Variants in CFAP43 observed in about 807,000 individuals in gnomAD.
CFAP43 encodes the protein cilia and flagella associated protein 43, also known as cilia- and flagella-associated protein 43.
Under a neutral mutation model 218.9 loss-of-function variants are expected in CFAP43, and 155 were observed. The ratio of observed to expected loss-of-function variants is 0.71; its 90% CI spans 0.62 to 0.81. The LOEUF (loss-of-function observed/expected upper bound fraction) is 0.81. Ranked by LOEUF, CFAP43 falls within the 30% of genes least tolerant of loss-of-function variation. The pLI is 0.00. For missense variants in CFAP43, 1,778 were observed against 1,954.3 expected (o/e 0.91, Z 1.70); for synonymous variants, 645 against 681.3 (o/e 0.95, Z 0.83).
intron 10 of CFAP43, among the ~76,000 whole-genome samples, chr10:104,196,424 C>T (rs1354886593): frequency 3.3e-5 from 5 of 152,144 alleles, no homozygotes; most frequent in African/African-American, 1.2e-4. Context: ...CTTGCTGATT[C>T]AACAGCACCC....
In CFAP43 at chr10:104,143,396, AAAATT is replaced by A. The variant is rs750233990; in HGVS notation, c.4158+25_4158+29del. The A allele has an allele frequency of 7.6e-6, 12 of 1,576,046 alleles. No homozygotes were observed. The South Asian group carries it at 9.2e-5, about 12-fold the overall frequency. On this transcript the variant is annotated intron_variant, in intron 32 of 37. Transcript: ENST00000357060. ...CTATGTATTTGATATTAGTACACTA[AAAATT>A]AAATTAAGTTAAAATAGTATATACT...
chr10:104,147,540 G>A (rs1163133825), intron 29 of CFAP43, among the ~76,000 whole-genome samples: 1 of 152,086 alleles, frequency 6.6e-6, no homozygotes, highest in Non-Finnish European at 1.5e-5. Flanking sequence ...CCCTAGGTAA[G>A]AGCTTGCAAA....
At chr10:104,166,455 A>C in intron 23 of CFAP43, 33 bp downstream of exon 23, 1 of 1,537,812 alleles carries the variant, frequency 6.5e-7, no homozygotes, top group Non-Finnish European at 8.9e-7. Context: ...GGGAGTCTAG[A>C]GATTTTTCAG....
rs1172298666 is a variant in CFAP43, at chr10:104,196,926, G to A, written c.1220C>T (p.Thr407Ile). 2 of 1,608,144 alleles carry A rather than the reference G, an allele frequency of 1.2e-6. No homozygotes were observed. The highest frequency in any genetic ancestry group is 1.7e-6 in the Non-Finnish European group (2 of 1,178,282). The stretch of plus-strand genomic sequence containing the variant: ...CCAAACACAAATTTCCCCTGAATAT[G>A]TAAGTGTCTGTAAAAAAAGAAAAAC... ...TPGTQYFMTL[T>I]YSGEICVWWL... is the part of the protein sequence containing the mutation. The change falls in exon 10 of 38, where the codon ACA (threonine) becomes ATA (isoleucine). Residue 407 changes from threonine to isoleucine, a missense_variant. Thr to Ile is a moderately conservative substitution (Grantham distance 89, BLOSUM62 -1). This residue lies in a region of CFAP43 where 1,553 missense variants were observed against 1,685.2 expected (regional missense o/e 0.92). Coordinates refer to ENST00000357060, the MANE Select transcript of CFAP43 (RefSeq NM_025145.7).
At chr10:104,134,404 A>G (rs1589608029) in intron 34 of CFAP43, among the ~76,000 whole-genome samples, 1 of 152,200 alleles carries the variant, frequency 6.6e-6, no homozygotes, top group Non-Finnish European at 1.5e-5. Context: ...TCTCAAAAAA[A>G]GAAAGAAAGA....
At chr10:104,216,653 C>G (rs1458216412) in intron 3 of CFAP43, among the ~76,000 whole-genome samples, 3 of 152,134 alleles carry the variant, frequency 2.0e-5, no homozygotes, top group Non-Finnish European at 4.4e-5. Flanking sequence ...CTCCCCTTCC[C>G]CACCCACAGT....
Position 104,167,647 on chromosome 10 carries a change from TTTG to T in CFAP43, c.2779_2781del (p.Gln927del), listed in dbSNP as rs1458893465. On this transcript the variant is annotated inframe_deletion, in exon 22 of 38. Transcript: ENST00000357060. Reference sequence around the variant, plus strand: ...TTAAGACACTCTGCTTCAATCTTCTTTTGCTGTAAAACTCTTTCCAATTCTTTC... The same window carrying T: ...TTAAGACACTCTGCTTCAATCTTCTTCTGTAAAACTCTTTCCAATTCTTTC... The T allele has an allele frequency of 1.2e-6, 2 of 1,610,624 alleles. No homozygotes were observed. Among genetic ancestry groups the T allele is most frequent in the African/African-American group, 2.7e-5 (2 of 74,708 alleles).
At chr10:104,161,837 G>A in intron 26 of CFAP43, 124 bp downstream of exon 26, 1 of 812,114 alleles carries the variant, frequency 1.2e-6, no homozygotes, top group Non-Finnish European at 2.0e-6. Flanking sequence ...GTACTACGGA[G>A]GTTGTATAAT....
At chr10:104,186,182 G>A in intron 14 of CFAP43, 59 bp from the exon 15 acceptor site, 5 of 1,370,742 alleles carry the variant, frequency 3.6e-6, no homozygotes, top group Non-Finnish European at 4.8e-6. Context: ...GCACCTTTGG[G>A]TTTGCAGATA....
chr10:104,133,497 T>G (rs2087292729), intron 35 of CFAP43, 123 bp downstream of exon 35: 3 of 1,080,576 alleles, frequency 2.8e-6, no homozygotes, highest in Admixed American at 3.1e-5. Flanking sequence ...CAGATATATT[T>G]TGAAACACTC....
chr10:104,176,734 C>T (rs536582121), intron 19 of CFAP43, among the ~76,000 whole-genome samples: 23 of 152,292 alleles, frequency 1.5e-4, no homozygotes, highest in Middle Eastern at 3.4e-3. Flanking sequence ...ATAGCAGGGT[C>T]TCCAACAGTC....
chr10:104,164,079 ACAG>A lies in CFAP43; in HGVS notation c.3246+12_3246+14del. 6.2e-7 allele frequency: 1 copy of A among 1,612,502 alleles called. No homozygotes were observed. Among genetic ancestry groups the A allele is most frequent in the Non-Finnish European group, 8.5e-7 (1 of 1,179,106 alleles). ...CCTGAGAAAGAAGGGAAAGGAGAACACAGCTAGCCAGTACCTCCTCATCTTGCA... is the reference window on the plus strand; with the variant it reads ...CCTGAGAAAGAAGGGAAAGGAGAACACTAGCCAGTACCTCCTCATCTTGCA... On this transcript the variant is annotated intron_variant, in intron 24 of 37. Coordinates refer to ENST00000357060, the MANE Select transcript of CFAP43 (RefSeq NM_025145.7).
At chr10:104,184,926 C>A in intron 16 of CFAP43, 90 bp downstream of exon 16, 1 of 1,525,064 alleles carries the variant, frequency 6.6e-7, no homozygotes, top group South Asian at 1.3e-5. Flanking sequence ...GGTCTCCCAG[C>A]ACGTTGGCCT....
intron 27 of CFAP43, among the ~76,000 whole-genome samples, chr10:104,157,771 TGTGTGA>T (rs1393394755): frequency 7.9e-4 from 84 of 106,054 alleles, no homozygotes; most frequent in Middle Eastern, 5.7e-3. Context: ...TGTGTGTGTG[TGTGTGA>T]GAGAGAGAGA....
At chr10:104,161,185 A>G in intron 26 of CFAP43, 23 bp from the exon 27 acceptor site, 2 of 1,609,314 alleles carry the variant, frequency 1.2e-6, no homozygotes, top group South Asian at 1.1e-5. Context: ...AGAAAAGCAT[A>G]TATTTCAGCT....
chr10:104,214,488 T>A (rs972711226), intron 3 of CFAP43, 62 bp from the exon 4 acceptor site: 7 of 1,331,224 alleles, frequency 5.3e-6, no homozygotes, highest in Non-Finnish European at 7.0e-6. Flanking sequence ...TTTAGAACAT[T>A]TATCTATTTT....
chr10:104,152,485 G>T, intron 28 of CFAP43, 122 bp downstream of exon 28: 1 of 1,358,886 alleles, frequency 7.4e-7, no homozygotes, highest in Non-Finnish European at 1.0e-6. Context: ...GACTGGAGAG[G>T]GACGCAGGGC....
intron 24 of CFAP43, among the ~76,000 whole-genome samples, chr10:104,163,347 G>A (rs950704299): frequency 6.6e-6 from 1 of 152,126 alleles, no homozygotes; most frequent in African/African-American, 2.4e-5. Flanking sequence ...ATCCAGCAGA[G>A]ACTGTTAAAA....
chr10:104,150,636 T>G (rs1589646212), intron 28 of CFAP43, among the ~76,000 whole-genome samples: 1 of 152,204 alleles, frequency 6.6e-6, no homozygotes, highest in Non-Finnish European at 1.5e-5. Flanking sequence ...CTTTTCTCAT[T>G]AAGCCCCCTG....
Sources: allele counts gnomAD v4.1 joint callset (sites outside exome capture counted in the v4.1 genomes callset), GRCh38; gene constraint gnomAD v4.1.1; regional missense constraint gnomAD v4.1.1; transcripts MANE v1.5; gene names NCBI Gene and HGNC (gene_info 2026-07-23, HGNC 2026-07-21).